MINDY2: variants seen among roughly 807,000 people sequenced by gnomAD.
MINDY2 encodes ubiquitin carboxyl-terminal hydrolase MINDY-2.
MINDY2 carries 52 observed loss-of-function variants against 68.2 expected under a neutral mutation model. The observed-to-expected ratio is 0.76, with a 90% CI of 0.61 to 0.96. The LOEUF (loss-of-function observed/expected upper bound fraction) is 0.96. Ranked by LOEUF, MINDY2 falls within the 40% of genes least tolerant of loss-of-function variation. MINDY2 has a pLI of 0.00. For missense variants in MINDY2, 881 were observed against 773.4 expected, an observed-to-expected ratio of 1.14 and a Z score of -1.65; for synonymous variants, 372 against 303.0, an observed-to-expected ratio of 1.23 and a Z score of -2.36.
At chr15:58,793,428 G>A (rs1902068655) in intron 2 of MINDY2, among the ~76,000 whole-genome samples, 1 of 152,120 alleles carries the variant, frequency 6.6e-6, no homozygotes, top group African/African-American at 2.4e-5. Flanking sequence ...TCCAGCCTGG[G>A]CGACAGTGAG....
chr15:58,810,735 C>T (rs1284331845), intron 4 of MINDY2, among the ~76,000 whole-genome samples: 1 of 152,156 alleles, frequency 6.6e-6, no homozygotes, highest in Non-Finnish European at 1.5e-5. Flanking sequence ...ACCTATTATA[C>T]TCACCATTAC....
At chr15:58,829,205 T>C (rs1163253217) in intron 5 of MINDY2, among the ~76,000 whole-genome samples, 1 of 152,196 alleles carries the variant, frequency 6.6e-6, no homozygotes, top group Non-Finnish European at 1.5e-5. Flanking sequence ...TTATAAAAAT[T>C]TAAAACTAGG....
intron 6 of MINDY2, among the ~76,000 whole-genome samples, chr15:58,844,753 C>T (rs1438978710): frequency 6.6e-6 from 1 of 150,846 alleles, no homozygotes. Context: ...TCCATCTCTA[C>T]TAAAAATACA....
chr15:58,774,930 G>C (rs1343884965), intron 1 of MINDY2, among the ~76,000 whole-genome samples: 1 of 152,318 alleles, frequency 6.6e-6, no homozygotes, highest in Admixed American at 6.5e-5. Context: ...TTGTAAATCT[G>C]TGGTTATCAG....
chr15:58,811,887 C>G (rs1258870451), intron 4 of MINDY2, among the ~76,000 whole-genome samples: 1 of 152,198 alleles, frequency 6.6e-6, no homozygotes, highest in Non-Finnish European at 1.5e-5. Context: ...CTCTTTTCCA[C>G]TGATCTGTGT....
At chr15:58,791,214 T>TA (rs1264656275) in intron 2 of MINDY2, among the ~76,000 whole-genome samples, 58 of 70,756 alleles carry the variant, frequency 8.2e-4, no homozygotes, top group African/African-American at 2.9e-3. Flanking sequence ...GGAAAGCAAT[T>TA]TTATATATAT....
intron 1 of MINDY2, 127 bp from the exon 2 acceptor site, chr15:58,787,779 A>G: frequency 2.2e-6 from 1 of 454,618 alleles, no homozygotes; most frequent in Non-Finnish European, 3.8e-6. Flanking sequence ...ATTCTAATAT[A>G]TGTGAATGTT....
chr15:58,854,071 C>T (rs966789233), intron 8 of MINDY2, among the ~76,000 whole-genome samples: 1 of 151,636 alleles, frequency 6.6e-6, no homozygotes, highest in Non-Finnish European at 1.5e-5. Flanking sequence ...AGTGAAACCC[C>T]GTCTCTACTA....
intron 8 of MINDY2, among the ~76,000 whole-genome samples, 155 bp from the exon 9 acceptor site, chr15:58,854,327 C>T (rs368981717): frequency 2.6e-5 from 4 of 152,000 alleles, no homozygotes; most frequent in African/African-American, 9.7e-5. Flanking sequence ...GGTAATGGCT[C>T]AGATACCATG....
intron 7 of MINDY2, among the ~76,000 whole-genome samples, chr15:58,849,803 G>A (rs963935974): frequency 1.8e-4 from 28 of 152,250 alleles, no homozygotes; most frequent in Non-Finnish European, 2.2e-4. Flanking sequence ...GTACAGTGGT[G>A]CGATCTCGGC....
intron 1 of MINDY2, among the ~76,000 whole-genome samples, chr15:58,780,861 A>G (rs530152708): frequency 6.6e-6 from 1 of 152,206 alleles, no homozygotes; most frequent in East Asian, 1.9e-4. Context: ...TCAGGCCTTT[A>G]TCTCTCACCT....
intron 1 of MINDY2, among the ~76,000 whole-genome samples, chr15:58,775,420 C>G (rs928076871): frequency 2.0e-5 from 3 of 152,082 alleles, no homozygotes; most frequent in African/African-American, 7.2e-5. Flanking sequence ...GGTGTTTAGA[C>G]TTTATATATA....
At chr15:58,787,883 A>G (rs761270122) in intron 1 of MINDY2, 23 bp from the exon 2 acceptor site, 3 of 1,530,668 alleles carry the variant, frequency 2.0e-6, no homozygotes, top group South Asian at 2.4e-5. Context: ...TTAATTTTAT[A>G]GAAATAATAT....
At chr15:58,785,927 C>T (rs1421114305) in intron 1 of MINDY2, among the ~76,000 whole-genome samples, 2 of 152,214 alleles carry the variant, frequency 1.3e-5, no homozygotes, top group East Asian at 3.9e-4. Flanking sequence ...GATCTGCCCA[C>T]CTCAACCTCC....
chr15:58,851,653 C>T, intron 7 of MINDY2, 118 bp from the exon 8 acceptor site: 1 of 794,964 alleles, frequency 1.3e-6, no homozygotes. Flanking sequence ...ATTGCCCAGG[C>T]CTGGTGTATT....
At chr15:58,853,882 A>G (rs1388296400) in intron 8 of MINDY2, among the ~76,000 whole-genome samples, 5 of 151,686 alleles carry the variant, frequency 3.3e-5, no homozygotes, top group African/African-American at 9.7e-5. Flanking sequence ...TTGAAGAACT[A>G]TTATAGTTTA....
At position 58,802,305 on chromosome 15, in the gene MINDY2, T is replaced by C. The variant is rs182088030; in HGVS notation, c.899-8T>C. The stretch of plus-strand genomic sequence containing the variant: ...GGCAATTTTACAATTCTTTTTTTTT[T>C]TTTACAGGAGATTACATGCTTGATG... On this transcript the variant is annotated splice_region_variant and splice_polypyrimidine_tract_variant and intron_variant, in intron 2 of 8. Transcript: ENST00000559228. 587 of 1,563,848 alleles carry C rather than the reference T, an allele frequency of 3.8e-4. 2 individuals carry two copies. In the African/African-American group the frequency reaches 7.7e-3, roughly 21 times the overall value.
At chr15:58,848,137 C>A (rs148709874) in intron 7 of MINDY2, among the ~76,000 whole-genome samples, 2 of 151,558 alleles carry the variant, frequency 1.3e-5, no homozygotes, top group African/African-American at 2.4e-5. Flanking sequence ...AGTCTTGGAG[C>A]CACAGGTCTG....
At chr15:58,790,579 A>C (rs1275464374) in intron 2 of MINDY2, among the ~76,000 whole-genome samples, 2 of 123,138 alleles carry the variant, frequency 1.6e-5, no homozygotes, top group Non-Finnish European at 3.2e-5. Flanking sequence ...TGTTGACAAT[A>C]GACCTTAGTG....
Sources: allele counts gnomAD v4.1 joint callset (sites outside exome capture counted in the v4.1 genomes callset), GRCh38; gene constraint gnomAD v4.1.1; transcripts MANE v1.5; gene names NCBI Gene and HGNC (gene_info 2026-07-23, HGNC 2026-07-21).